Variants in TTC7A observed in about 807,000 individuals in gnomAD.
The protein encoded by TTC7A is tetratricopeptide repeat protein 7A.
In TTC7A, 110 loss-of-function variants were observed where a neutral mutation model predicts 103.7. That is an observed-to-expected ratio of 1.06 (90% CI 0.91 to 1.24). TTC7A has a LOEUF of 1.24. Ranked by LOEUF, TTC7A falls within the 50% of genes most tolerant of loss-of-function variation. The probability of loss-of-function intolerance (pLI) is 0.00; values close to 1 mark genes in which losing one functional copy is unlikely to be tolerated. For synonymous variants in TTC7A, 521 were observed against 467.9 expected (o/e 1.11, Z -1.47); for missense variants, 1,340 against 1,116.3 (o/e 1.20, Z -2.86).
intron 11 of TTC7A, among the ~76,000 whole-genome samples, chr2:47,015,746 T>G (rs1678585485): frequency 6.6e-6 from 1 of 152,088 alleles, no homozygotes; most frequent in Non-Finnish European, 1.5e-5. Flanking sequence ...CCTTGATGTT[T>G]TTGACTTCAT....
At chr2:46,977,705 C>G (rs910157709) in intron 4 of TTC7A, among the ~76,000 whole-genome samples, 2 of 152,182 alleles carry the variant, frequency 1.3e-5, no homozygotes, top group African/African-American at 4.8e-5. Context: ...GAGGTCCGGA[C>G]TGACACCAGC....
intron 16 of TTC7A, chr2:47,047,374 G>A (rs570744423): frequency 2.7e-5 from 38 of 1,412,588 alleles, no homozygotes; most frequent in African/African-American, 1.6e-4. Flanking sequence ...GGCAAAGTCA[G>A]CCCTCACTTT....
intron 15 of TTC7A, among the ~76,000 whole-genome samples, chr2:47,041,478 C>T (rs1291725381): frequency 1.3e-5 from 2 of 152,180 alleles, no homozygotes; most frequent in African/African-American, 2.4e-5. Flanking sequence ...ATACGCCAGT[C>T]GCGGTGGCTC....
intron 3 of TTC7A, among the ~76,000 whole-genome samples, chr2:46,960,613 C>T (rs748533670): frequency 1.3e-4 from 20 of 152,218 alleles, no homozygotes; most frequent in East Asian, 3.8e-4. Context: ...CGCACATTAC[C>T]GTTGGTGAGA....
intron 3 of TTC7A, chr2:46,958,566 C>T (rs747545526): frequency 2.7e-5 from 35 of 1,301,014 alleles, no homozygotes; most frequent in Non-Finnish European, 2.7e-5. Flanking sequence ...AGGAGACGGG[C>T]GCTGCCGGCG....
At chr2:46,983,128 C>A (rs1674640646) in intron 5 of TTC7A, among the ~76,000 whole-genome samples, 1 of 152,174 alleles carries the variant, frequency 6.6e-6, no homozygotes, top group Admixed American at 6.5e-5. Flanking sequence ...TGTGTAATTT[C>A]TCAAGTGGTA....
rs1423557937 is a variant in TTC7A, at chr2:47,059,126, A to G, written c.2153-1643A>G. Reference sequence around the variant, plus strand: ...AACCTCCGCCTCCCAGATTCAATGAACTCTCTGCCTCAGCCTCCCAAGTAC... The same window carrying G: ...AACCTCCGCCTCCCAGATTCAATGAGCTCTCTGCCTCAGCCTCCCAAGTAC... On this transcript the variant is annotated intron_variant, in intron 18 of 19. Coordinates refer to ENST00000319190, the MANE Select transcript of TTC7A (RefSeq NM_020458.4). 5.7e-5 allele frequency among the ~76,000 whole-genome samples: 8 copies of G among 140,014 alleles called. No homozygotes were observed. The South Asian group carries it at 6.6e-4, about 12-fold the overall frequency. The allele number at this position is 140,014 out of a possible 152,430, so 91.9% of individuals were successfully genotyped here. A position where few individuals can be genotyped will look rare whatever the true frequency, so the allele number is the denominator to read the frequency against.
intron 14 of TTC7A, among the ~76,000 whole-genome samples, chr2:47,027,226 T>C (rs1680015072): frequency 6.6e-6 from 1 of 151,922 alleles, no homozygotes; most frequent in Non-Finnish European, 1.5e-5. Context: ...TCAGGCCAGG[T>C]TGGAGGTGCT....
At chr2:46,985,409 T>G (rs996283780) in intron 5 of TTC7A, among the ~76,000 whole-genome samples, 1 of 152,256 alleles carries the variant, frequency 6.6e-6, no homozygotes. Context: ...GTCTGTTTCC[T>G]GTGGCCCATC....
At chr2:47,011,040 CT>C (rs1222351096) in intron 10 of TTC7A, among the ~76,000 whole-genome samples, 2 of 152,124 alleles carry the variant, frequency 1.3e-5, no homozygotes, top group Non-Finnish European at 2.9e-5. Context: ...AATTTCTGTG[CT>C]TGAAATTTGA....
intron 1 of TTC7A, among the ~76,000 whole-genome samples, chr2:46,947,304 C>G (rs760650799): frequency 3.3e-5 from 5 of 152,050 alleles, no homozygotes; most frequent in Non-Finnish European, 2.9e-5. Flanking sequence ...TGAAATGATG[C>G]TATATAAAAA....
intron 3 of TTC7A, among the ~76,000 whole-genome samples, chr2:46,958,094 T>A (rs1311002804): frequency 6.6e-6 from 1 of 152,180 alleles, no homozygotes; most frequent in Non-Finnish European, 1.5e-5. Flanking sequence ...CACACTCAGT[T>A]TCCCCTGTCT....
chr2:47,014,281 A>G (rs1331990135), intron 11 of TTC7A, among the ~76,000 whole-genome samples: 1 of 152,150 alleles, frequency 6.6e-6, no homozygotes, highest in Non-Finnish European at 1.5e-5. Context: ...TGACGAAGCG[A>G]CACACATCCC....
chr2:46,973,736 A>G (rs1673585864), intron 3 of TTC7A, among the ~76,000 whole-genome samples: 1 of 152,190 alleles, frequency 6.6e-6, no homozygotes, highest in African/African-American at 2.4e-5. Flanking sequence ...AGTAGCGGCC[A>G]AGTCTGCACA....
chr2:47,055,242 C>G (rs1683220765), intron 18 of TTC7A, among the ~76,000 whole-genome samples: 1 of 152,204 alleles, frequency 6.6e-6, no homozygotes, highest in African/African-American at 2.4e-5. Flanking sequence ...GCTAATCCCC[C>G]TGGTTTGGTT....
At chr2:47,045,955 G>C (rs1682269671) in intron 15 of TTC7A, among the ~76,000 whole-genome samples, 2 of 152,208 alleles carry the variant, frequency 1.3e-5, no homozygotes, top group African/African-American at 4.8e-5. Context: ...TTAGGCACAG[G>C]GCGTTGCTTA....
chr2:46,929,759 A>G (rs1161620131), intron 2 of TTC7A, among the ~76,000 whole-genome samples: 1 of 152,262 alleles, frequency 6.6e-6, no homozygotes, highest in East Asian at 1.9e-4. Flanking sequence ...ATTATTATTC[A>G]CAAAGATTCA....
intron 4 of TTC7A, among the ~76,000 whole-genome samples, chr2:46,977,945 TG>T (rs1674036828): frequency 6.6e-6 from 1 of 152,204 alleles, no homozygotes; most frequent in African/African-American, 2.4e-5. Context: ...AAACCAGCCC[TG>T]TAGGACCGTT....
At position 47,023,525 on chromosome 2, in the gene TTC7A, C is replaced by A. The variant is rs868539331; in HGVS notation, c.1568+60C>A. The stretch of plus-strand genomic sequence containing the variant: ...TTGCCTTTGGTGGCAGATTCACAAG[C>A]TTTACGTCATCAGACCCTCTGATGT... On this transcript the variant is annotated intron_variant, in intron 13 of 19. Transcript: ENST00000319190. The A allele has an allele frequency of 5.8e-6, 9 of 1,551,824 alleles. No individual in the cohort carries two copies. In the Middle Eastern group the frequency reaches 1.2e-3, roughly 203 times the overall value.
Sources: allele counts gnomAD v4.1 joint callset (sites outside exome capture counted in the v4.1 genomes callset), GRCh38; gene constraint gnomAD v4.1.1; transcripts MANE v1.5; gene names NCBI Gene and HGNC (gene_info 2026-07-23, HGNC 2026-07-21).